CYP4X1: variants seen among roughly 807,000 people sequenced by gnomAD.
The protein encoded by CYP4X1 is cytochrome P450 4X1.
In CYP4X1, 44 loss-of-function variants were observed where a neutral mutation model predicts 57.9. The ratio of observed to expected loss-of-function variants is 0.76; its 90% CI spans 0.60 to 0.98. The LOEUF (loss-of-function observed/expected upper bound fraction) is 0.98, where lower values mean the gene tolerates loss of function less well. CYP4X1 is among the 50% of genes least tolerant of loss of function. The probability of loss-of-function intolerance (pLI) is 0.00; values close to 1 mark genes in which losing one functional copy is unlikely to be tolerated. For synonymous variants in CYP4X1, 227 were observed against 228.6 expected (o/e 0.99, Z 0.06); for missense variants, 532 against 623.9 (o/e 0.85, Z 1.57).
chr1:46,964,005 C>T, the CYP4X1 span, among the ~76,000 whole-genome samples: 1 of 152,182 alleles, frequency 6.6e-6, no homozygotes, highest in East Asian at 1.9e-4. Context: ...GATCTTCCAT[C>T]ACTGATACCC....
At chr1:47,052,919 T>G (rs1471841236), downstream of CYP4X1, among the ~76,000 whole-genome samples, 2 of 152,138 alleles carry the variant, frequency 1.3e-5, no homozygotes, top group Admixed American at 6.5e-5. Context: ...TATTTCTTTT[T>G]TTTATTTTAT....
Position 47,031,488 on chromosome 1 carries a change from T to C in CYP4X1, c.364+8T>C. On this transcript the variant is annotated splice_region_variant and intron_variant, in intron 3 of 11. Coordinates refer to ENST00000371901, the MANE Select transcript of CYP4X1 (RefSeq NM_178033.2). ...TCTCACCTCCACTTCTTGGTATGTA[T>C]GTGCAAATGAGAGGTATAACCCACT... The C allele has an allele frequency of 3.1e-6, 5 of 1,614,036 alleles. No individual in the cohort carries two copies. The highest frequency in any genetic ancestry group is 4.2e-6 in the Non-Finnish European group (5 of 1,179,940).
At chr1:47,009,961 C>T in the CYP4X1 span, among the ~76,000 whole-genome samples, 1 of 152,192 alleles carries the variant, frequency 6.6e-6, no homozygotes, top group African/African-American at 2.4e-5. Flanking sequence ...GATGGATTCA[C>T]AGCCGAATTC....
the CYP4X1 span, among the ~76,000 whole-genome samples, chr1:47,008,825 G>A: frequency 1.3e-5 from 2 of 152,034 alleles, no homozygotes; most frequent in African/African-American, 4.8e-5. Flanking sequence ...ACACAAAGAA[G>A]GCCATTACAT....
chr1:47,037,536 A>G (rs1033395416), intron 6 of CYP4X1, among the ~76,000 whole-genome samples: 6 of 152,118 alleles, frequency 3.9e-5, no homozygotes, highest in Non-Finnish European at 7.4e-5. Context: ...TCTCTATTCC[A>G]GGGTTTCTCA....
chr1:46,966,472 T>C, the CYP4X1 span, among the ~76,000 whole-genome samples: 1 of 152,082 alleles, frequency 6.6e-6, no homozygotes, highest in Non-Finnish European at 1.5e-5. Flanking sequence ...TGTGGTTTCC[T>C]GGGTGGGGTC....
chr1:47,017,607 A>G, the CYP4X1 span, among the ~76,000 whole-genome samples: 4 of 152,152 alleles, frequency 2.6e-5, no homozygotes, highest in African/African-American at 9.7e-5. Flanking sequence ...CAAGCTGTGA[A>G]CTGTTTAGGG....
the CYP4X1 span, among the ~76,000 whole-genome samples, chr1:46,986,029 T>C: frequency 3.9e-5 from 6 of 152,156 alleles, no homozygotes; most frequent in African/African-American, 1.4e-4. Context: ...GCTTGATGAA[T>C]TGAGAGAAGC....
intron 1 of CYP4X1, 21 bp downstream of exon 1, chr1:47,024,015 A>T (rs7495119): frequency 1.8e-5 from 28 of 1,594,352 alleles, no homozygotes; most frequent in Middle Eastern, 2.1e-4. Context: ...GGGAGGAGGG[A>T]GGAAGGAGGA....
the CYP4X1 span, among the ~76,000 whole-genome samples, chr1:46,998,167 CTGTT>C: frequency 7.1e-6 from 1 of 141,230 alleles, no homozygotes; most frequent in African/African-American, 2.5e-5. Flanking sequence ...GTAGGTTTTT[CTGTT>C]TGTTTGTTTT....
chr1:47,030,275 C>A, intron 2 of CYP4X1, 144 bp downstream of exon 2: 2 of 1,026,342 alleles, frequency 1.9e-6, no homozygotes, highest in Non-Finnish European at 2.8e-6. Flanking sequence ...GGTTTCCTAC[C>A]AATACTGAAG....
At chr1:47,002,124 C>T in the CYP4X1 span, among the ~76,000 whole-genome samples, 58,977 of 152,042 alleles carry the variant, frequency 0.39, 13,335 homozygotes, top group African/African-American at 0.62. Flanking sequence ...AGTGAAAGAA[C>T]GGATAAGGGA....
At chr1:47,049,107 G>A (rs1247493001) in intron 10 of CYP4X1, among the ~76,000 whole-genome samples, 2 of 152,230 alleles carry the variant, frequency 1.3e-5, no homozygotes, top group Non-Finnish European at 2.9e-5. Context: ...CTGAGCACAT[G>A]ACATGTGGCC....
chr1:47,049,620 T>C (rs1644340087), intron 11 of CYP4X1, 116 bp downstream of exon 11: 1 of 908,400 alleles, frequency 1.1e-6, no homozygotes, highest in African/African-American at 1.6e-5. Flanking sequence ...TCTTGGTGCC[T>C]ATTTGAGCCC....
the CYP4X1 span, among the ~76,000 whole-genome samples, chr1:47,012,903 A>T: frequency 3.3e-5 from 5 of 152,380 alleles, no homozygotes; most frequent in Admixed American, 2.6e-4. Flanking sequence ...TGTCTCTAAC[A>T]AAAAATAAAG....
the CYP4X1 span, among the ~76,000 whole-genome samples, chr1:47,005,301 G>A: frequency 6.6e-6 from 1 of 152,192 alleles, no homozygotes; most frequent in African/African-American, 2.4e-5. Context: ...TCCAGACTTA[G>A]GTGCTGCTGT....
the CYP4X1 span, among the ~76,000 whole-genome samples, chr1:47,012,709 G>A: frequency 1.3e-5 from 2 of 152,102 alleles, no homozygotes; most frequent in Admixed American, 1.3e-4. Flanking sequence ...TAGCTTATTT[G>A]TCCTTATTTG....
chr1:46,978,147 G>T, the CYP4X1 span, among the ~76,000 whole-genome samples: 8 of 152,096 alleles, frequency 5.3e-5, no homozygotes, highest in East Asian at 1.5e-3. Context: ...AATGTAAATG[G>T]GCTAAATGCT....
intron 10 of CYP4X1, 94 bp downstream of exon 10, chr1:47,048,723 G>A: frequency 1.7e-6 from 2 of 1,180,426 alleles, no homozygotes; most frequent in African/African-American, 1.6e-5. Flanking sequence ...ATATAATTAA[G>A]GGAAATGACA....
Sources: gnomAD v4.1 joint callset for allele counts (sites outside exome capture counted in the v4.1 genomes callset) on GRCh38, gnomAD v4.1.1 for gene constraint, MANE v1.5 for transcripts, NCBI Gene and HGNC (gene_info 2026-07-23, HGNC 2026-07-21) for gene names.